The following EXOSC7 variants were observed in gnomAD, a reference collection of about 807,000 sequenced individuals.
EXOSC7 encodes exosome component 7.
A neutral mutation model predicts 34.3 loss-of-function variants in EXOSC7; 25 were observed. That is an observed-to-expected ratio of 0.73 (90% confidence interval 0.53 to 1.02). The LOEUF (loss-of-function observed/expected upper bound fraction) is 1.02. EXOSC7 is among the 50% of genes least tolerant of loss of function. EXOSC7 has a pLI of 0.00. For synonymous variants in EXOSC7, 130 were observed against 143.0 expected (o/e 0.91, Z 0.65); for missense variants, 370 against 368.5 (o/e 1.00, Z -0.03).
At chr3:44,996,957 C>T (rs1011551213) in intron 3 of EXOSC7, 130 bp from the exon 4 acceptor site, 3 of 895,556 alleles carry the variant, frequency 3.3e-6, no homozygotes, top group Non-Finnish European at 3.5e-6. Context: ...ATCCTTTCCT[C>T]ATCTCAGTGA....
chr3:45,011,482 T>A, downstream of EXOSC7: 1 of 577,950 alleles, frequency 1.7e-6, no homozygotes, highest in Non-Finnish European at 3.0e-6. Context: ...TGGTTTGGTA[T>A]GTCTAGAGTT....
chr3:44,992,035 T>C (rs571317262), intron 3 of EXOSC7, among the ~76,000 whole-genome samples: 112 of 152,278 alleles, frequency 7.4e-4, no homozygotes, highest in Middle Eastern at 3.4e-3. Flanking sequence ...AGAACCTCAA[T>C]TGAGTCTTCA....
intron 1 of EXOSC7, among the ~76,000 whole-genome samples, chr3:44,985,170 A>G (rs551986394): frequency 1.8e-4 from 28 of 152,302 alleles, no homozygotes; most frequent in Admixed American, 3.9e-4. Flanking sequence ...TTCAGGTTCT[A>G]TGGGTGAGGT....
chr3:44,977,208 C>CGTA (rs1377463548), intron 1 of EXOSC7: 2 of 152,286 alleles, frequency 1.3e-5, no homozygotes, highest in Non-Finnish European at 2.9e-5. Context: ...AACGAGCTAC[C>CGTA]CTGTATCCTC....
intron 1 of EXOSC7, among the ~76,000 whole-genome samples, chr3:44,988,402 G>A (rs541450889): frequency 6.6e-6 from 1 of 152,300 alleles, no homozygotes; most frequent in Non-Finnish European, 1.5e-5. Flanking sequence ...GAAGGAACAG[G>A]CAGCGCGTAG....
At chr3:44,997,680 C>G (rs897042421) in intron 4 of EXOSC7, among the ~76,000 whole-genome samples, 3 of 152,184 alleles carry the variant, frequency 2.0e-5, no homozygotes, top group Non-Finnish European at 2.9e-5. Flanking sequence ...TTATATTTCC[C>G]ATTTATAAGT....
rs201593496 is a variant in EXOSC7 at position 44,989,179 on chromosome 3, C to T, written c.97C>T (p.Arg33Ter). ...RVDGRGCEDY[R>*]CVEVETDVVS... ...GGATGGCCGTGGCTGTGAGGACTAC[C>T]GATGTGTCGAAGTGGAAACTGATGT... The change falls in exon 2 of 8, where the codon CGA becomes TGA. Residue 33 changes from arginine to a stop codon, truncating the protein, a stop_gained. Transcript: ENST00000265564. LOFTEE classifies it high-confidence loss of function. 2.2e-5 allele frequency: 35 copies of T among 1,614,082 alleles called. No homozygotes were observed. The highest frequency in any genetic ancestry group is 4.5e-5 in the East Asian group (2 of 44,882).
chr3:45,007,641 T>C, intron 7 of EXOSC7, 66 bp downstream of exon 7: 1 of 1,459,088 alleles, frequency 6.9e-7, no homozygotes, highest in Non-Finnish European at 9.2e-7. Flanking sequence ...CCTGCTCCCT[T>C]GGTCATACCG....
Position 45,003,580 on chromosome 3 carries a change from G to A in EXOSC7, c.492-1711G>A, listed in dbSNP as rs538099176. Among the ~76,000 whole-genome samples the A allele has an allele frequency of 2.0e-5, 3 of 152,270 alleles. 1 individual carries two copies. Among genetic ancestry groups the A allele is most frequent in the African/African-American group, 4.8e-5 (2 of 41,544 alleles). On this transcript the variant is annotated intron_variant, in intron 5 of 7. Coordinates refer to ENST00000265564, the MANE Select transcript of EXOSC7 (RefSeq NM_015004.4). ...TGGGGGGTTTTGTTAGAGGAACTGG[G>A]AAAAGTACTAATGCTGTTTCCATTA...
rs1316863471 is a variant in EXOSC7, at chr3:44,989,376, G to A, written c.159+135G>A. The A allele has an allele frequency of 9.1e-6, 7 of 767,904 alleles. No homozygotes were observed. The South Asian group carries it at 1.1e-4, about 12-fold the overall frequency. The allele number at this position is 767,904 out of a possible 1,614,324, so 47.6% of individuals were successfully genotyped here. A position where few individuals can be genotyped will look rare whatever the true frequency, so the allele number is the denominator to read the frequency against. Reference sequence around the variant, plus strand: ...CGAAGATCCGAGCCAAACTCAGGGAGGGGGGGTCTATCCAGATCTGAAAAG... The same window carrying A: ...CGAAGATCCGAGCCAAACTCAGGGAAGGGGGGTCTATCCAGATCTGAAAAG... On this transcript the variant is annotated intron_variant, in intron 2 of 7. Transcript: ENST00000265564.
chr3:45,001,888 A>G, intron 5 of EXOSC7: 1 of 368,542 alleles, frequency 2.7e-6, no homozygotes, highest in Non-Finnish European at 4.9e-6. Flanking sequence ...AGAAGCCAAG[A>G]AGAGTAGACA....
intron 7 of EXOSC7, among the ~76,000 whole-genome samples, chr3:45,008,144 C>G (rs898922072): frequency 6.6e-6 from 1 of 152,238 alleles, no homozygotes; most frequent in Admixed American, 6.5e-5. Context: ...TACTGTTTGC[C>G]CCACATGTCT....
intron 4 of EXOSC7, among the ~76,000 whole-genome samples, chr3:45,000,434 C>T (rs1706842578): frequency 6.6e-6 from 1 of 152,228 alleles, no homozygotes; most frequent in African/African-American, 2.4e-5. Flanking sequence ...TGACTTCTCA[C>T]CTTTCTTATT....
chr3:45,011,442 A>G lies in EXOSC7; in HGVS notation c.*103A>G. ...GTTACGAATTTACAGCAGCATTTGT[A>G]CATGTAAAATTAAAGGCTATTTTCT... On this transcript the variant is annotated 3_prime_UTR_variant, in exon 8 of 8. Coordinates refer to ENST00000265564, the MANE Select transcript of EXOSC7 (RefSeq NM_015004.4). 1.4e-6 allele frequency: 1 copy of G among 738,742 alleles called. No individual in the cohort carries two copies. Among genetic ancestry groups the G allele is most frequent in the Non-Finnish European group, 2.3e-6 (1 of 441,046 alleles). 45.8% of individuals were successfully genotyped at this position (738,742 alleles called of 1,614,324 possible).
chr3:45,000,692 A>T (rs746700053), intron 4 of EXOSC7, among the ~76,000 whole-genome samples: 1 of 152,264 alleles, frequency 6.6e-6, no homozygotes, highest in Non-Finnish European at 1.5e-5. Context: ...ATCATTACAT[A>T]CGAGAAGTAA....
At chr3:44,999,411 G>A (rs1261726609) in intron 4 of EXOSC7, among the ~76,000 whole-genome samples, 2 of 152,032 alleles carry the variant, frequency 1.3e-5, no homozygotes, top group South Asian at 2.1e-4. Flanking sequence ...TTTTCTGACC[G>A]GGCACAGTGG....
intron 7 of EXOSC7, among the ~76,000 whole-genome samples, chr3:45,008,821 A>G (rs894142121): frequency 6.6e-6 from 1 of 152,238 alleles, no homozygotes; most frequent in Admixed American, 6.5e-5. Context: ...TCCCCCTCCC[A>G]GGAGAGTTTA....
chr3:45,011,853 G>A (rs1697295792), downstream of EXOSC7, among the ~76,000 whole-genome samples: 1 of 152,208 alleles, frequency 6.6e-6, no homozygotes, highest in African/African-American at 2.4e-5. Flanking sequence ...TGCCCTCCAA[G>A]AGATCCGAAT....
At chr3:45,001,864 T>G (rs1327117965) in intron 5 of EXOSC7, 1 of 416,834 alleles carries the variant, frequency 2.4e-6, no homozygotes, top group East Asian at 4.5e-5. Flanking sequence ...TAGAAAAATA[T>G]TAGAAAACTA....
Sources: allele counts gnomAD v4.1 joint callset (sites outside exome capture counted in the v4.1 genomes callset), GRCh38; gene constraint gnomAD v4.1.1; transcripts MANE v1.5; gene names NCBI Gene and HGNC (gene_info 2026-07-23, HGNC 2026-07-21).